The following PDE4A variants were observed in gnomAD, a reference collection of about 807,000 sequenced individuals.
PDE4A encodes phosphodiesterase 4A.
In PDE4A, 21 loss-of-function variants were observed where a neutral mutation model predicts 73.9. The ratio of observed to expected loss-of-function variants is 0.28; its 90% CI spans 0.20 to 0.41. PDE4A has a LOEUF of 0.41. PDE4A is among the 10% of genes least tolerant of loss of function. The pLI is 1.00. For missense variants in PDE4A, 958 were observed against 1,211.4 expected (o/e 0.79, Z 3.10); for synonymous variants, 463 against 505.4 (o/e 0.92, Z 1.13).
intron 1 of PDE4A, among the ~76,000 whole-genome samples, chr19:10,431,988 G>A (rs1336704409): frequency 1.3e-5 from 2 of 152,028 alleles, no homozygotes; most frequent in African/African-American, 4.8e-5. Context: ...TATGTCACCC[G>A]GCCCCACACT....
At chr19:10,423,030 G>T (rs2042670402) in intron 1 of PDE4A, 1 of 839,198 alleles carries the variant, frequency 1.2e-6, no homozygotes, top group Non-Finnish European at 1.4e-6. Flanking sequence ...TCTCGCAATG[G>T]CTCACCCTCC....
chr19:10,454,891 G>A lies in PDE4A; in HGVS notation c.846G>A (p.Gln282=). The part of the protein sequence containing the change: ...HLSEMSRSGN[Q]VSEYISTTFL... ...CAGAAATGAGCAGGTCCGGAAACCA[G>A]GTCTCAGAGTACATTTCCACAACAT... The change falls in exon 7 of 15, where the codon CAG becomes CAA. Residue 282 remains glutamine, a synonymous_variant. Transcript: ENST00000380702. 1 of 1,614,114 alleles carries A rather than the reference G, an allele frequency of 6.2e-7. No individual in the cohort carries two copies. The highest frequency in any genetic ancestry group is 8.5e-7 in the Non-Finnish European group (1 of 1,180,004).
intron 2 of PDE4A, among the ~76,000 whole-genome samples, chr19:10,448,634 TAAAAA>T (rs573277641): frequency 7.4e-6 from 1 of 134,616 alleles, no homozygotes. Flanking sequence ...AGACTCTGTC[TAAAAA>T]AAAAAAAAAC....
Position 10,466,079 on chromosome 19 carries a change from T to C in PDE4A, c.1927-808T>C, listed in dbSNP as rs1017995328. ...GTGCAATGGCACAATCTCGGCTCAC[T>C]GCAACTTCCACCTCCCAGGTTCAAG... On this transcript the variant is annotated intron_variant, in intron 14 of 14. Transcript: ENST00000380702. Among the ~76,000 whole-genome samples, 14 of 148,802 alleles carry C rather than the reference T, an allele frequency of 9.4e-5. No individual in the cohort carries two copies. The South Asian group carries it at 1.1e-3, about 12-fold the overall frequency.
At chr19:10,455,354 C>T (rs1315833010) in intron 7 of PDE4A, among the ~76,000 whole-genome samples, 1 of 151,864 alleles carries the variant, frequency 6.6e-6, no homozygotes, top group African/African-American at 2.4e-5. Flanking sequence ...ATCCCAGCAA[C>T]TCAGGAGGCT....
At chr19:10,442,416 C>T (rs911285429) in intron 1 of PDE4A, among the ~76,000 whole-genome samples, 2 of 151,908 alleles carry the variant, frequency 1.3e-5, no homozygotes, top group Non-Finnish European at 2.9e-5. Flanking sequence ...CCCAGCTATC[C>T]GGGAGGCTGA....
At chr19:10,436,584 T>C (rs1230522759) in intron 1 of PDE4A, among the ~76,000 whole-genome samples, 1 of 152,078 alleles carries the variant, frequency 6.6e-6, no homozygotes, top group Non-Finnish European at 1.5e-5. Context: ...AGGACCTATA[T>C]GTTAACTTAT....
At chr19:10,435,415 G>A (rs1441744369) in intron 1 of PDE4A, among the ~76,000 whole-genome samples, 1 of 151,198 alleles carries the variant, frequency 6.6e-6, no homozygotes, top group Non-Finnish European at 1.5e-5. Context: ...AAAAAAATTA[G>A]CTGGGTGTGG....
upstream of PDE4A, chr19:10,420,162 T>C (rs1030761190): frequency 2.0e-5 from 3 of 153,072 alleles, no homozygotes; most frequent in Non-Finnish European, 4.3e-5. This position sits in a 1 kb window ranked among gnomAD's most constrained non-coding sequence, Gnocchi z 6.0. Flanking sequence ...CCGCCAGGGG[T>C]AGCGGCGAGG....
chr19:10,430,833 C>T, intron 1 of PDE4A: 1 of 1,129,924 alleles, frequency 8.9e-7, no homozygotes, highest in African/African-American at 1.6e-5. Flanking sequence ...GAGGCGGGGC[C>T]GCCCCGCGGC....
At chr19:10,421,221 G>T in intron 1 of PDE4A, 137 bp downstream of exon 1, 1 of 1,335,582 alleles carries the variant, frequency 7.5e-7, no homozygotes, top group Non-Finnish European at 9.5e-7. Context: ...ATTCGGCTGC[G>T]GGGGCGTCTG....
At position 10,453,034 on chromosome 19, in the gene PDE4A, G is replaced by C; in HGVS notation, c.784-1795G>C. ...CCCCCCACCGCCTCCACCCACTGCC[G>C]CGGGGGGGCCCGTTGGGGCCCAGGG... is the stretch of plus-strand genomic sequence containing the variant. On this transcript the variant is annotated intron_variant, in intron 6 of 14. Transcript: ENST00000380702. This position sits in a 1 kb window ranked among gnomAD's most constrained non-coding sequence, Gnocchi z 4.6. The C allele has an allele frequency of 7.5e-7, 1 of 1,331,982 alleles. No homozygotes were observed. Among genetic ancestry groups the C allele is most frequent in the Non-Finnish European group, 9.6e-7 (1 of 1,042,368 alleles). The allele number at this position is 1,331,982 out of a possible 1,614,324, so 82.5% of individuals were successfully genotyped here. A position where few individuals can be genotyped will look rare whatever the true frequency, so the allele number is the denominator to read the frequency against.
Position 10,447,111 on chromosome 19 carries a change from A to C in PDE4A, c.512+702A>C, listed in dbSNP as rs2043017470. On this transcript the variant is annotated intron_variant, in intron 2 of 14. Coordinates refer to ENST00000380702, the MANE Select transcript of PDE4A (RefSeq NM_001111307.2). ...GAGACGGGGTTTCACCGTGTTAGCC[A>C]GGATGGTCTCGATCTCCTGACCTCA... Among the ~76,000 whole-genome samples, 2 of 144,034 alleles carry C rather than the reference A, an allele frequency of 1.4e-5. 1 individual carries two copies. The highest frequency in any genetic ancestry group is 4.5e-4 in the South Asian group (2 of 4,446). 94.5% of individuals were successfully genotyped at this position (144,034 alleles called of 152,430 possible). A position where few individuals can be genotyped will look rare whatever the true frequency, so the allele number is the denominator to read the frequency against.
intron 1 of PDE4A, among the ~76,000 whole-genome samples, chr19:10,434,952 A>G (rs1179825874): frequency 7.5e-6 from 1 of 133,100 alleles, no homozygotes; most frequent in Non-Finnish European, 1.5e-5. Flanking sequence ...ATGCAGTGGT[A>G]TCATCTCTGC....
chr19:10,427,914 G>C (rs1358240883), intron 1 of PDE4A: 1 of 946,176 alleles, frequency 1.1e-6, no homozygotes, highest in Non-Finnish European at 1.3e-6. Context: ...CGGATCACTT[G>C]AGCCTGGGAG....
chr19:10,457,864 C>T lies in PDE4A; in HGVS notation c.878-15C>T, dbSNP rs1023886702. ...AGGGTTGTTCACACTTGTTCCTGCT[C>T]CCCATCTTCTGCAGACAAACAGAAT... On this transcript the variant is annotated splice_polypyrimidine_tract_variant and intron_variant, in intron 7 of 14. Transcript: ENST00000380702. 1.2e-6 allele frequency: 2 copies of T among 1,611,932 alleles called. No individual in the cohort carries two copies. Among genetic ancestry groups the T allele is most frequent in the Non-Finnish European group, 1.7e-6 (2 of 1,179,904 alleles).
chr19:10,464,349 G>A (rs2043328648), intron 14 of PDE4A: 1 of 455,714 alleles, frequency 2.2e-6, no homozygotes, highest in Non-Finnish European at 4.4e-6. Context: ...ACCCGCCTTG[G>A]CCTCCCAAAA....
At position 10,424,566 on chromosome 19, in the gene PDE4A, A is replaced by G. The variant is rs1302418768; in HGVS notation, c.320+3482A>G. Among the ~76,000 whole-genome samples the G allele has an allele frequency of 6.6e-6, 1 of 152,212 alleles. No homozygotes were observed. Among genetic ancestry groups the G allele is most frequent in the African/African-American group, 2.4e-5 (1 of 41,450 alleles). On this transcript the variant is annotated intron_variant, in intron 1 of 14. Coordinates refer to ENST00000380702, the MANE Select transcript of PDE4A (RefSeq NM_001111307.2). This position sits in a 1 kb window ranked among gnomAD's most constrained non-coding sequence, Gnocchi z 4.8. ...CAGGGACGCCGCCAGTCCCGGAGCA[A>G]AGCAAAGTCGCCGCCACCGTCGCGG...
upstream of PDE4A, chr19:10,420,368 G>A (rs960426868): frequency 3.1e-6 from 3 of 979,840 alleles, no homozygotes; most frequent in African/African-American, 5.3e-5. This position sits in a 1 kb window ranked among gnomAD's most constrained non-coding sequence, Gnocchi z 6.0. Flanking sequence ...GATCTGCGTG[G>A]GCGGGAAGGG....
Sources: allele counts gnomAD v4.1 joint callset (sites outside exome capture counted in the v4.1 genomes callset), GRCh38; gene constraint gnomAD v4.1.1; non-coding constraint Gnocchi (gnomAD v3.1); transcripts MANE v1.5; gene names NCBI Gene and HGNC (gene_info 2026-07-23, HGNC 2026-07-21).